PIN4: variants seen among roughly 807,000 people sequenced by gnomAD.
The protein encoded by PIN4 is peptidyl-prolyl cis-trans isomerase NIMA-interacting 4.
Under a neutral mutation model 8.3 loss-of-function variants are expected in PIN4, and 3 were observed. That is an observed-to-expected ratio of 0.36 (90% CI 0.16 to 0.93). PIN4 has a LOEUF of 0.93. Ranked by LOEUF, PIN4 falls within the 40% of genes least tolerant of loss-of-function variation. The pLI is 0.44. For synonymous variants in PIN4, 18 were observed against 32.5 expected (o/e 0.55, Z 1.52); for missense variants, 75 against 100.6 (o/e 0.75, Z 1.09).
intron 3 of PIN4, among the ~76,000 whole-genome samples, chrX:72,252,453 A>G (rs1246638724): frequency 9.1e-6 from 1 of 109,506 alleles, no homozygotes; most frequent in African/African-American, 3.3e-5. Flanking sequence ...GTGCAATCTC[A>G]GCTCACTGCA....
chrX:72,183,587 A>G (rs2042684193), intron 1 of PIN4, among the ~76,000 whole-genome samples: 1 of 111,709 alleles, frequency 9.0e-6, no homozygotes, highest in African/African-American at 3.3e-5. Context: ...GCCTTGGGTA[A>G]AAGTGGTTTC....
chrX:72,259,724 CTTTTTTTTTT>C, intron 3 of PIN4, among the ~76,000 whole-genome samples: 1 of 69,045 alleles, frequency 1.4e-5, no homozygotes, highest in Non-Finnish European at 2.6e-5. Flanking sequence ...AGGCCATATC[CTTTTTTTTTT>C]TTTTTTTTTT....
At chrX:72,206,745 A>G (rs1348867877) in intron 3 of PIN4, 1 of 1,210,985 alleles carries the variant, frequency 8.3e-7, no homozygotes, top group Admixed American at 2.2e-5. Flanking sequence ...ACATCAAATC[A>G]TGGTCTGAGA....
intron 3 of PIN4, chrX:72,204,745 C>A: frequency 5.0e-6 from 1 of 199,707 alleles, no homozygotes. Context: ...TAAGAATGAC[C>A]AGAATAATTT....
At position 72,197,451 on chromosome X, in the gene PIN4, T is replaced by A; in HGVS notation, c.321T>A (p.Asp107Glu). 3.3e-6 allele frequency: 4 copies of A among 1,207,693 alleles called. No homozygotes were observed. The South Asian group carries it at 7.0e-5, about 21-fold the overall frequency. Residue 107 changes from aspartate to glutamate, a missense_variant, in exon 4 of 4, where the codon GAT becomes GAA. Physicochemically the swap from Asp to Glu is conservative, Grantham distance 45 (BLOSUM62 2). Coordinates refer to ENST00000373669, the MANE Select transcript of PIN4 (RefSeq NM_006223.4). Reference sequence around the variant, plus strand: ...TTGCCTTGCCTGTAAGTGGGATGGATAAGCCTGTGTTTACAGACCCACCGG... The same window carrying A: ...TTGCCTTGCCTGTAAGTGGGATGGAAAAGCCTGTGTTTACAGACCCACCGG... Reference protein sequence around the residue: ...AAFALPVSGMDKPVFTDPPVK... With the variant: ...AAFALPVSGMEKPVFTDPPVK...
intron 3 of PIN4, among the ~76,000 whole-genome samples, chrX:72,251,362 C>CAAAAAAAA (rs35914181): frequency 3.0e-5 from 2 of 65,618 alleles, no homozygotes; most frequent in South Asian, 2.8e-3. Flanking sequence ...GACTCTGTCT[C>CAAAAAAAA]AAAAAAAAAA....
At chrX:72,191,854 C>G (rs1301603876) in intron 2 of PIN4, among the ~76,000 whole-genome samples, 2 of 111,124 alleles carry the variant, frequency 1.8e-5, no homozygotes, top group Non-Finnish European at 3.8e-5. Flanking sequence ...TCTCTACCCT[C>G]TTTTTTGTTC....
At chrX:72,187,505 AAGT>A (rs2042709490) in intron 2 of PIN4, among the ~76,000 whole-genome samples, 1 of 112,037 alleles carries the variant, frequency 8.9e-6, no homozygotes, top group Non-Finnish European at 1.9e-5. Context: ...TTTAATAAAA[AAGT>A]AAGAGATGGG....
At chrX:72,217,870 A>AGAT (rs1054291059) in intron 3 of PIN4, among the ~76,000 whole-genome samples, 2 of 112,315 alleles carry the variant, frequency 1.8e-5, no homozygotes, top group African/African-American at 6.5e-5. Flanking sequence ...CTATATCTAT[A>AGAT]CTTATGCAAG....
At chrX:72,204,923 A>T in intron 3 of PIN4, 1 of 844,175 alleles carries the variant, frequency 1.2e-6, no homozygotes, top group Non-Finnish European at 1.6e-6. Context: ...CTTAAGCCTG[A>T]ATGCTTCATG....
intron 3 of PIN4, among the ~76,000 whole-genome samples, chrX:72,210,207 AAATAAAT>A (rs2042846100): frequency 1.5e-5 from 1 of 68,193 alleles, no homozygotes; most frequent in African/African-American, 6.3e-5. Context: ...CTTAAAAAAT[AAATAAAT>A]AAATAAATAA....
At chrX:72,262,286 G>A (rs1339980300) in intron 3 of PIN4, among the ~76,000 whole-genome samples, 1 of 112,199 alleles carries the variant, frequency 8.9e-6, no homozygotes, top group Non-Finnish European at 1.9e-5. Context: ...GATCAACCTG[G>A]CAGCATTCAG....
chrX:72,194,008 G>A (rs2042750487), intron 2 of PIN4, among the ~76,000 whole-genome samples: 1 of 112,122 alleles, frequency 8.9e-6, no homozygotes, highest in South Asian at 3.6e-4. Flanking sequence ...TTTTTTAAAT[G>A]TATAAAGTTA....
At chrX:72,231,463 A>G (rs2042982951) in intron 3 of PIN4, among the ~76,000 whole-genome samples, 2 of 111,685 alleles carry the variant, frequency 1.8e-5, no homozygotes, top group South Asian at 7.5e-4. Flanking sequence ...TTTCAGTTAA[A>G]CAGGAGGAAT....
chrX:72,203,237 T>C (rs765280682), downstream of PIN4, among the ~76,000 whole-genome samples: 8 of 112,042 alleles, frequency 7.1e-5, no homozygotes, highest in Non-Finnish European at 1.3e-4. Context: ...CCCCCATACC[T>C]TGCCCTACAC....
At chrX:72,258,860 C>G in intron 3 of PIN4, among the ~76,000 whole-genome samples, 1 of 111,415 alleles carries the variant, frequency 9.0e-6, no homozygotes, top group Non-Finnish European at 1.9e-5. Context: ...GCACCCCCTA[C>G]TCAATACTCC....
intron 1 of PIN4, among the ~76,000 whole-genome samples, chrX:72,182,395 G>T: frequency 9.0e-6 from 1 of 110,682 alleles, no homozygotes; most frequent in South Asian, 3.9e-4. Context: ...ACAAAAATTC[G>T]CCAGGCGTGG....
chrX:72,205,700 C>T, intron 3 of PIN4: 6 of 1,211,850 alleles, frequency 5.0e-6, no homozygotes, highest in Non-Finnish European at 6.7e-6. Context: ...ATCCTTCTAG[C>T]TTTACTTCTG....
At chrX:72,216,440 T>C (rs750584136) in intron 3 of PIN4, among the ~76,000 whole-genome samples, 18 of 111,946 alleles carry the variant, frequency 1.6e-4, no homozygotes, top group Admixed American at 7.6e-4. Context: ...GTAAAATACA[T>C]ATAACATAAA....
Sources: gnomAD v4.1 joint callset for allele counts (sites outside exome capture counted in the v4.1 genomes callset) on GRCh38, gnomAD v4.1.1 for gene constraint, MANE v1.5 for transcripts, NCBI Gene and HGNC (gene_info 2026-07-23, HGNC 2026-07-21) for gene names.